KIAA0825: variants seen among roughly 807,000 people sequenced by gnomAD.
KIAA0825 encodes KIAA0825.
Under a neutral mutation model 147.6 loss-of-function variants are expected in KIAA0825, and 119 were observed. The observed-to-expected ratio is 0.81, with a 90% CI of 0.69 to 0.94. KIAA0825 has a LOEUF of 0.94. KIAA0825 is among the 40% of genes least tolerant of loss of function. KIAA0825 has a pLI of 0.00. For missense variants in KIAA0825, 1,381 were observed against 1,472.7 expected (o/e 0.94, Z 1.02); for synonymous variants, 470 against 518.1 (o/e 0.91, Z 1.26).
intron 1 of KIAA0825, among the ~76,000 whole-genome samples, chr5:94,606,312 T>C (rs1438199499): frequency 2.0e-5 from 3 of 152,206 alleles, no homozygotes; most frequent in South Asian, 2.1e-4. Context: ...ATCAATATCA[T>C]TAAAATGGCT....
intron 20 of KIAA0825, among the ~76,000 whole-genome samples, chr5:94,229,683 T>C (rs1774521497): frequency 6.6e-6 from 1 of 152,096 alleles, no homozygotes; most frequent in South Asian, 2.1e-4. Flanking sequence ...GCAGAATTTC[T>C]CAACATTATC....
At chr5:94,610,670 A>G (rs1462978379) in intron 1 of KIAA0825, among the ~76,000 whole-genome samples, 1 of 144,134 alleles carries the variant, frequency 6.9e-6, no homozygotes, top group Non-Finnish European at 1.5e-5. Flanking sequence ...AGGCTGAGAC[A>G]GGAGAATTGC....
intron 20 of KIAA0825, among the ~76,000 whole-genome samples, chr5:94,240,142 G>A (rs895237660): frequency 1.3e-5 from 2 of 152,150 alleles, no homozygotes; most frequent in African/African-American, 4.8e-5. Context: ...CAATTAAACT[G>A]CATTGTAATA....
intron 20 of KIAA0825, among the ~76,000 whole-genome samples, chr5:94,332,862 C>T (rs1436312640): frequency 2.0e-5 from 3 of 152,148 alleles, no homozygotes; most frequent in Non-Finnish European, 4.4e-5. Flanking sequence ...TAAAAGCACT[C>T]CTGTTTCTCC....
intron 16 of KIAA0825, among the ~76,000 whole-genome samples, chr5:94,399,448 T>C (rs1751089181): frequency 2.0e-5 from 3 of 152,090 alleles, no homozygotes; most frequent in African/African-American, 7.2e-5. Context: ...CCGAGGACTA[T>C]GGGCACTCAA....
intron 20 of KIAA0825, among the ~76,000 whole-genome samples, chr5:94,248,363 G>C (rs963940795): frequency 6.6e-6 from 1 of 152,046 alleles, no homozygotes; most frequent in East Asian, 1.9e-4. Context: ...TTAAACCTCT[G>C]CTGGCCAGAT....
intron 2 of KIAA0825, among the ~76,000 whole-genome samples, chr5:94,543,107 A>T (rs944661593): frequency 1.3e-5 from 2 of 152,194 alleles, no homozygotes; most frequent in Admixed American, 6.5e-5. Context: ...TACTCAACTC[A>T]TAGGTATTTG....
chr5:94,596,942 G>A (rs2152408573), intron 1 of KIAA0825, among the ~76,000 whole-genome samples: 1 of 152,204 alleles, frequency 6.6e-6, no homozygotes, highest in African/African-American at 2.4e-5. Flanking sequence ...CTGAAACTTT[G>A]CTGAAGTTAT....
intron 12 of KIAA0825, among the ~76,000 whole-genome samples, chr5:94,459,997 A>AG (rs1237602938): frequency 1.3e-5 from 2 of 152,062 alleles, no homozygotes; most frequent in Non-Finnish European, 2.9e-5. Context: ...CTTTAATCAG[A>AG]GGGGCTAGAG....
At chr5:94,461,554 A>G (rs1759835926) in intron 12 of KIAA0825, among the ~76,000 whole-genome samples, 1 of 151,960 alleles carries the variant, frequency 6.6e-6, no homozygotes, top group Non-Finnish European at 1.5e-5. Context: ...CATTCTGTAA[A>G]CAATGGGTTT....
chr5:94,268,643 G>C lies in KIAA0825; in HGVS notation c.3711-114519C>G, dbSNP rs74784337. ...AGAATCTTTAGAATGTATTCTATGA[G>C]AAAAGGATTACTGGTCATGCTCTGC... On this transcript the variant is annotated intron_variant, in intron 20 of 20. Transcript: ENST00000682413. 5.2e-3 allele frequency among the ~76,000 whole-genome samples: 789 copies of C among 152,206 alleles called. 9 individuals are homozygous for C. Among genetic ancestry groups the C allele is most frequent in the African/African-American group, 0.018 (740 of 41,510 alleles).
chr5:94,519,088 T>C (rs961825346), intron 5 of KIAA0825: 1 of 386,446 alleles, frequency 2.6e-6, no homozygotes, highest in African/African-American at 2.2e-5. Flanking sequence ...ATTAACTGAC[T>C]TTGTATTTTG....
chr5:94,155,443 C>G (rs1290325114), intron 20 of KIAA0825, among the ~76,000 whole-genome samples: 2 of 151,896 alleles, frequency 1.3e-5, no homozygotes, highest in Non-Finnish European at 2.9e-5. Flanking sequence ...TCATCTTGAC[C>G]TCCTGGGCTG....
rs1259363060 is a variant in KIAA0825 at position 94,216,579 on chromosome 5, A to C, written c.3711-62455T>G. 3.3e-5 allele frequency among the ~76,000 whole-genome samples: 5 copies of C among 152,306 alleles called. No individual in the cohort carries two copies. The East Asian group carries it at 9.7e-4, about 29-fold the overall frequency. On this transcript the variant is annotated intron_variant, in intron 20 of 20. Coordinates refer to ENST00000682413, the MANE Select transcript of KIAA0825 (RefSeq NM_001145678.3). The stretch of plus-strand genomic sequence containing the variant: ...CCTGGGGGACCCAGGGCTCCCGTTC[A>C]TACTAAAGGGCTTGGTCTATCCTGA...
chr5:94,418,120 T>G (rs534918027), intron 14 of KIAA0825, among the ~76,000 whole-genome samples: 1 of 152,288 alleles, frequency 6.6e-6, no homozygotes, highest in South Asian at 2.1e-4. Flanking sequence ...AAACAACATA[T>G]TTGTTGGGTT....
At chr5:94,600,674 A>G (rs1561377879) in intron 1 of KIAA0825, among the ~76,000 whole-genome samples, 1 of 152,128 alleles carries the variant, frequency 6.6e-6, no homozygotes, top group African/African-American at 2.4e-5. Flanking sequence ...ATCTGTTTAC[A>G]TTTCTATAAA....
rs115270658 is a variant in KIAA0825, at chr5:94,380,439, G to A, written c.3710+3929C>T. ...ATTCAATACACACTACTTAGAGCCT[G>A]CTCTGTGCCCAAGGGCTGTTCTAGG... On this transcript the variant is annotated intron_variant, in intron 20 of 20. Transcript: ENST00000682413. Among the ~76,000 whole-genome samples the A allele has an allele frequency of 1.6e-3, 240 of 152,310 alleles. 1 individual carries two copies. Among genetic ancestry groups the A allele is most frequent in the African/African-American group, 5.6e-3 (231 of 41,572 alleles).
intron 7 of KIAA0825, among the ~76,000 whole-genome samples, chr5:94,475,682 G>T (rs997260389): frequency 3.9e-5 from 6 of 152,082 alleles, no homozygotes; most frequent in African/African-American, 1.4e-4. Flanking sequence ...TGTGGTGGGC[G>T]CCTGTAATCC....
chr5:94,489,742 C>T (rs549671399), intron 5 of KIAA0825, among the ~76,000 whole-genome samples: 1 of 151,714 alleles, frequency 6.6e-6, no homozygotes, highest in East Asian at 1.9e-4. Context: ...AAAAATTAGC[C>T]AGGCGTGGTG....
Sources: allele counts gnomAD v4.1 joint callset (sites outside exome capture counted in the v4.1 genomes callset), GRCh38; gene constraint gnomAD v4.1.1; transcripts MANE v1.5; gene names NCBI Gene and HGNC (gene_info 2026-07-23, HGNC 2026-07-21).